The following COLEC12 variants were observed in gnomAD, a reference collection of about 807,000 sequenced individuals.
COLEC12 encodes the protein collectin-12.
Under a neutral mutation model 71.1 loss-of-function variants are expected in COLEC12, and 33 were observed. The ratio of observed to expected loss-of-function variants is 0.46; its 90% CI spans 0.35 to 0.62. COLEC12 has a LOEUF of 0.62. COLEC12 is among the 20% of genes least tolerant of loss of function. COLEC12 has a pLI of 0.00. For missense variants in COLEC12, 765 were observed against 916.1 expected, an observed-to-expected ratio of 0.84 and a Z score of 2.13; for synonymous variants, 350 against 353.0, an observed-to-expected ratio of 0.99 and a Z score of 0.10.
intron 1 of COLEC12, among the ~76,000 whole-genome samples, chr18:487,474 G>A (rs951862317): frequency 1.1e-4 from 16 of 152,144 alleles, no homozygotes; most frequent in Admixed American, 3.9e-4. Flanking sequence ...TATAGTATGT[G>A]AAAAAAAGAG....
intron 3 of COLEC12, among the ~76,000 whole-genome samples, chr18:353,275 G>A (rs1183290131): frequency 6.6e-6 from 1 of 152,240 alleles, no homozygotes; most frequent in East Asian, 1.9e-4. Context: ...TTTATCGAGT[G>A]CCTGCTCTTT....
rs1598354157 is a variant in COLEC12, at chr18:408,157, G to A, written c.59-50635C>T. Among the ~76,000 whole-genome samples, 2 of 152,296 alleles carry A rather than the reference G, an allele frequency of 1.3e-5. No individual in the cohort carries two copies. The highest frequency in any genetic ancestry group is 1.3e-4 in the Admixed American group (2 of 15,298). ...CAGCATGGTGTGAGGACAGTGTCCT[G>A]GGAAGATCATGGGCTTTAGGTTCAA... is the stretch of plus-strand genomic sequence containing the variant. On this transcript the variant is annotated intron_variant, in intron 2 of 9. Coordinates refer to ENST00000400256, the MANE Select transcript of COLEC12 (RefSeq NM_130386.3). The surrounding 1 kb of genome is among the most constrained non-coding windows in gnomAD (Gnocchi z 4.3).
chr18:328,428 A>G (rs917020389), intron 8 of COLEC12, among the ~76,000 whole-genome samples: 12 of 152,184 alleles, frequency 7.9e-5, no homozygotes, highest in Non-Finnish European at 1.6e-4. Flanking sequence ...TCTTCTTCAC[A>G]CACCTGTTGT....
At chr18:381,855 T>C (rs1915238566) in intron 2 of COLEC12, among the ~76,000 whole-genome samples, 1 of 152,080 alleles carries the variant, frequency 6.6e-6, no homozygotes, top group South Asian at 2.1e-4. Context: ...ATACATAGTT[T>C]CAAGTAAAAT....
intron 2 of COLEC12, among the ~76,000 whole-genome samples, chr18:461,745 G>A (rs1461343552): frequency 6.6e-6 from 1 of 152,002 alleles, no homozygotes; most frequent in Non-Finnish European, 1.5e-5. Flanking sequence ...GTTGAGACTT[G>A]CTGCATATCT....
At chr18:490,789 T>C (rs1305394655) in intron 1 of COLEC12, among the ~76,000 whole-genome samples, 3 of 152,172 alleles carry the variant, frequency 2.0e-5, no homozygotes, top group Non-Finnish European at 4.4e-5. Flanking sequence ...AAAGCAGGTT[T>C]CCAACAAATG....
chr18:464,848 A>G (rs906478674), intron 2 of COLEC12, among the ~76,000 whole-genome samples: 12 of 152,202 alleles, frequency 7.9e-5, no homozygotes, highest in African/African-American at 2.9e-4. Flanking sequence ...CCTTATTCCT[A>G]TTGAGAGTTA....
chr18:319,341 A>AAAT lies in COLEC12; in HGVS notation c.*703_*704insATT, dbSNP rs1555611775. 10 of 67,186 alleles carry AAAT rather than the reference A, an allele frequency of 1.5e-4. No individual in the cohort carries two copies. The highest frequency in any genetic ancestry group is 4.9e-4 in the African/African-American group (10 of 20,564). The allele number at this position is 67,186 out of a possible 1,614,324, so 4.2% of individuals were successfully genotyped here. A position where few individuals can be genotyped will look rare whatever the true frequency, so the allele number is the denominator to read the frequency against. ...AACATTAAAAAAAAAAAAAAAAAAA[A>AAAT]ATATATATATATATATATATATACA... is the stretch of plus-strand genomic sequence containing the variant. On this transcript the variant is annotated 3_prime_UTR_variant, in exon 10 of 10. Coordinates refer to ENST00000400256, the MANE Select transcript of COLEC12 (RefSeq NM_130386.3).
chr18:434,641 T>C (rs751352354), intron 2 of COLEC12, among the ~76,000 whole-genome samples: 12 of 152,212 alleles, frequency 7.9e-5, no homozygotes, highest in Admixed American at 2.6e-4. Flanking sequence ...CAATGCACTG[T>C]CAAACTCAAA....
At chr18:414,303 A>G (rs1915947098) in intron 2 of COLEC12, among the ~76,000 whole-genome samples, 1 of 152,122 alleles carries the variant, frequency 6.6e-6, no homozygotes, top group African/African-American at 2.4e-5. Context: ...CAAAAACCAA[A>G]CTTGGGTCGG....
At chr18:357,998 A>G (rs1469326672) in intron 2 of COLEC12, among the ~76,000 whole-genome samples, 1 of 152,356 alleles carries the variant, frequency 6.6e-6, no homozygotes, top group East Asian at 1.9e-4. Flanking sequence ...AGATTCTCTT[A>G]GGAGCGTGAA....
chr18:454,044 G>C (rs1916814993), intron 2 of COLEC12, among the ~76,000 whole-genome samples: 1 of 152,232 alleles, frequency 6.6e-6, no homozygotes, highest in African/African-American at 2.4e-5. Context: ...CACTTCAGCA[G>C]TCAGAGTGGG....
rs1376767824 is a variant in COLEC12, at chr18:318,184, G to T, written c.*1861C>A. The T allele has an allele frequency of 2.0e-5, 3 of 151,898 alleles. No homozygotes were observed. Among genetic ancestry groups the T allele is most frequent in the Non-Finnish European group, 2.9e-5 (2 of 67,992 alleles). The allele number at this position is 151,898 out of a possible 1,614,324, so 9.4% of individuals were successfully genotyped here. ...TTTAGTAGAGACGGGGTTTCACCGT[G>T]TTAGCCAGGATGGTCTCGATCTCCT... On this transcript the variant is annotated 3_prime_UTR_variant, in exon 10 of 10. Coordinates refer to ENST00000400256, the MANE Select transcript of COLEC12 (RefSeq NM_130386.3).
At chr18:403,322 A>G (rs1433739083) in intron 2 of COLEC12, among the ~76,000 whole-genome samples, 1 of 152,170 alleles carries the variant, frequency 6.6e-6, no homozygotes, top group Non-Finnish European at 1.5e-5. Context: ...TTTGGAAAAA[A>G]AGAAAGAAAG....
intron 8 of COLEC12, among the ~76,000 whole-genome samples, chr18:330,264 C>G (rs1913941976): frequency 6.6e-6 from 1 of 152,204 alleles, no homozygotes; most frequent in Non-Finnish European, 1.5e-5. Flanking sequence ...TGACCCTCCT[C>G]CCTGCTGCTC....
chr18:398,138 T>C (rs1227596339), intron 2 of COLEC12, among the ~76,000 whole-genome samples: 5 of 152,216 alleles, frequency 3.3e-5, no homozygotes, highest in African/African-American at 2.4e-5. Context: ...CAAGAAAGCA[T>C]CGAAACTATG....
intron 2 of COLEC12, among the ~76,000 whole-genome samples, chr18:380,456 T>C (rs182126300): frequency 6.7e-6 from 1 of 148,966 alleles, no homozygotes; most frequent in Admixed American, 6.8e-5. Flanking sequence ...ATCATGCTAA[T>C]CATCAGTCAT....
intron 8 of COLEC12, among the ~76,000 whole-genome samples, chr18:323,206 A>G (rs1448087974): frequency 6.6e-6 from 1 of 152,202 alleles, no homozygotes; most frequent in Non-Finnish European, 1.5e-5. Context: ...AGCCTGGGTG[A>G]CAGAGCGAGG....
chr18:333,208 CTG>C lies in COLEC12; in HGVS notation c.1817-67_1817-66del, dbSNP rs1306723571. The C allele has an allele frequency of 5.5e-6, 8 of 1,451,580 alleles. No individual in the cohort carries two copies. In the African/African-American group the frequency reaches 1.1e-4, roughly 21 times the overall value. The allele number at this position is 1,451,580 out of a possible 1,614,324, so 89.9% of individuals were successfully genotyped here. A position where few individuals can be genotyped will look rare whatever the true frequency, so the allele number is the denominator to read the frequency against. On this transcript the variant is annotated intron_variant, in intron 6 of 9. Coordinates refer to ENST00000400256, the MANE Select transcript of COLEC12 (RefSeq NM_130386.3). ...CAGAAAGCACTCTGCCTTTCTTCAG[CTG>C]TGTTTCAGAGGCCAAAACTGTGGTC... is the stretch of plus-strand genomic sequence containing the variant.
Sources: gnomAD v4.1 joint callset for allele counts (sites outside exome capture counted in the v4.1 genomes callset) on GRCh38, gnomAD v4.1.1 for gene constraint, Gnocchi (gnomAD v3.1) non-coding constraint, MANE v1.5 for transcripts, NCBI Gene and HGNC (gene_info 2026-07-23, HGNC 2026-07-21) for gene names.